IFIT2: variants seen among roughly 807,000 people sequenced by gnomAD.
IFIT2 encodes the protein interferon-induced protein with tetratricopeptide repeats 2.
In IFIT2, 3 loss-of-function variants were observed where a neutral mutation model predicts 2.5. The observed-to-expected ratio is 1.21, with a 90% CI of 0.55 to 3.14. The LOEUF is 3.14. Among genes scored for constraint, IFIT2 ranks in the 30% most tolerant of loss-of-function variants. IFIT2 has a pLI of 0.03. For synonymous variants in IFIT2, 212 were observed against 200.7 expected, an observed-to-expected ratio of 1.06 and a Z score of -0.48; for missense variants, 493 against 558.9, an observed-to-expected ratio of 0.88 and a Z score of 1.19.
At position 89,306,801 on chromosome 10, in the gene IFIT2, A is replaced by G. The variant is rs1843483469; in HGVS notation, c.845A>G (p.Tyr282Cys). The G allele has an allele frequency of 1.9e-6, 3 of 1,613,878 alleles. No individual in the cohort carries two copies. The highest frequency in any genetic ancestry group is 2.5e-6 in the Non-Finnish European group (3 of 1,179,842). Residue 282 changes from tyrosine to cysteine, a missense_variant, in exon 2 of 2, where the codon TAC (tyrosine) becomes TGC (cysteine). Physicochemically the swap from Tyr to Cys is radical, Grantham distance 194 (BLOSUM62 -2). Transcript: ENST00000371826. ...KALEYIPNNA[Y>C]LHCQIGCCYR... ...TTAGAATACATACCAAACAATGCCT[A>G]CCTGCATTGCCAAATTGGGTGCTGC...
At position 89,307,131 on chromosome 10, in the gene IFIT2, T is replaced by A. The variant is rs1157948651; in HGVS notation, c.1175T>A (p.Ile392Asn). ...LYQMKCEDKA[I>N]HHFIEGVKIN... is the part of the protein sequence containing the mutation. The stretch of plus-strand genomic sequence containing the variant: ...CAAATGAAGTGTGAAGACAAGGCCA[T>A]CCACCACTTTATAGAGGGTGTAAAA... The change falls in exon 2 of 2, where the codon ATC (isoleucine) becomes AAC (asparagine). Residue 392 changes from isoleucine to asparagine, a missense_variant. Ile to Asn is a moderately radical substitution (Grantham distance 149, BLOSUM62 -3). Transcript: ENST00000371826. 1 of 1,614,016 alleles carries A rather than the reference T, an allele frequency of 6.2e-7. No homozygotes were observed. The highest frequency in any genetic ancestry group is 8.5e-7 in the Non-Finnish European group (1 of 1,179,930).
At chr10:89,303,375 C>G (rs1019519638) in intron 1 of IFIT2, among the ~76,000 whole-genome samples, 1 of 152,292 alleles carries the variant, frequency 6.6e-6, no homozygotes, top group Admixed American at 6.5e-5. Flanking sequence ...TCTGAGACTG[C>G]GGTGGTAGCA....
At chr10:89,305,132 A>T (rs1843470427) in intron 1 of IFIT2, among the ~76,000 whole-genome samples, 1 of 152,208 alleles carries the variant, frequency 6.6e-6, no homozygotes, top group African/African-American at 2.4e-5. Context: ...TTTATTCCAA[A>T]ATAAATGTTT....
rs750351586 is a variant in IFIT2, at chr10:89,306,966, G to T, written c.1010G>T (p.Cys337Phe). Residue 337 changes from cysteine (C) to phenylalanine (F), a missense_variant, in exon 2 of 2, where the codon TGT (cysteine) becomes TTT (phenylalanine). Coordinates refer to ENST00000371826, the MANE Select transcript of IFIT2 (RefSeq NM_001547.5). ...GCCAATGATAATCTCTTCCGTGTCT[G>T]TTCCATTCTTGCCAGCCTCCATGCT... ...DEANDNLFRV[C>F]SILASLHALA... The T allele has an allele frequency of 6.2e-7, 1 of 1,614,034 alleles. No individual in the cohort carries two copies. Among genetic ancestry groups the T allele is most frequent in the African/African-American group, 1.3e-5 (1 of 75,026 alleles).
Position 89,306,530 on chromosome 10 carries a change from C to A in IFIT2, c.574C>A (p.Gln192Lys). Residue 192 changes from glutamine (Q) to lysine (K), a missense_variant, in exon 2 of 2, where the codon CAG becomes AAG. By Grantham distance (53) the Gln-to-Lys change is moderately conservative. Transcript: ENST00000371826. ...CCGTCTGGACAACTGGCCACCATCT[C>A]AGAACGCCATTGACCCTCTGAGGCA... ...SYRLDNWPPS[Q>K]NAIDPLRQAI... 1 of 1,614,104 alleles carries A rather than the reference C, an allele frequency of 6.2e-7. No homozygotes were observed. The highest frequency in any genetic ancestry group is 1.1e-5 in the South Asian group (1 of 91,080).
rs529683772 is a variant in IFIT2, at chr10:89,305,549, T to A, written c.6-413T>A. On this transcript the variant is annotated intron_variant, in intron 1 of 1. Transcript: ENST00000371826. ...AGAATAAAAAATTATAAAGCTGAAA[T>A]TTTCAAAGTACAAAAGTAAAGCTAG... Among the ~76,000 whole-genome samples, 22 of 152,090 alleles carry A rather than the reference T, an allele frequency of 1.4e-4. 2 individuals are homozygous for A. In the South Asian group the frequency reaches 4.4e-3, roughly 30 times the overall value.
At position 89,306,460 on chromosome 10, in the gene IFIT2, G is replaced by A. The variant is rs752883805; in HGVS notation, c.504G>A (p.Lys168=). ...KVCFEKALEK[K]PKNPEFTSGL... ...GCTTTGAGAAGGCTCTGGAAAAGAA[G>A]CCAAAGAACCCAGAATTCACCTCTG... The change falls in exon 2 of 2, where the codon AAG becomes AAA. Residue 168 remains lysine, a synonymous_variant. Coordinates refer to ENST00000371826, the MANE Select transcript of IFIT2 (RefSeq NM_001547.5). 6.2e-7 allele frequency: 1 copy of A among 1,614,126 alleles called. No homozygotes were observed. The highest frequency in any genetic ancestry group is 8.5e-7 in the Non-Finnish European group (1 of 1,179,994).
chr10:89,302,685 C>T (rs1175375763), intron 1 of IFIT2, among the ~76,000 whole-genome samples: 1 of 152,040 alleles, frequency 6.6e-6, no homozygotes, highest in Non-Finnish European at 1.5e-5. Flanking sequence ...CCCAAAATGC[C>T]TCCTGAGTAT....
At position 89,306,656 on chromosome 10, in the gene IFIT2, A is replaced by C; in HGVS notation, c.700A>C (p.Lys234Gln). The C allele has an allele frequency of 6.2e-7, 1 of 1,614,086 alleles. No individual in the cohort carries two copies. Among genetic ancestry groups the C allele is most frequent in the Non-Finnish European group, 8.5e-7 (1 of 1,179,968 alleles). The change falls in exon 2 of 2, where the codon AAG becomes CAG. Residue 234 changes from lysine (K) to glutamine (Q), a missense_variant. Transcript: ENST00000371826. Reference sequence around the variant, plus strand: ...AGGTGAAGAGGAAGGTGAAGGAGAGAAGTTAGTTGAAGAAGCCTTGGAGAA... The same window carrying C: ...AGGTGAAGAGGAAGGTGAAGGAGAGCAGTTAGTTGAAGAAGCCTTGGAGAA... ...EEGEEEGEGE[K>Q]LVEEALEKAP... is the part of the protein sequence containing the mutation.
chr10:89,307,907 G>C lies in IFIT2; in HGVS notation c.*532G>C, dbSNP rs1589596575. 1 of 155,498 alleles carries C rather than the reference G, an allele frequency of 6.4e-6. No individual in the cohort carries two copies. 9.6% of individuals were successfully genotyped at this position (155,498 alleles called of 1,614,324 possible). On this transcript the variant is annotated 3_prime_UTR_variant, in exon 2 of 2. Transcript: ENST00000371826. ...TCTGCCTCCTTCCTCCTCCTTCCCA[G>C]TCTATCATCAACCTTGAGTATTCTA...
Position 89,307,286 on chromosome 10 carries a change from G to GA in IFIT2, c.1336dup (p.Met446AsnfsTer6), listed in dbSNP as rs779399456. The GA allele has an allele frequency of 6.8e-6, 11 of 1,613,846 alleles. No homozygotes were observed. Among genetic ancestry groups the GA allele is most frequent in the African/African-American group, 1.3e-5 (1 of 74,888 alleles). ...CTTGGCATTCCTTCAGGAGCTGAAT[G>GA]AAAAAATGCAACAAGCAGATGAAGA... On this transcript the variant is annotated frameshift_variant, in exon 2 of 2. Coordinates refer to ENST00000371826, the MANE Select transcript of IFIT2 (RefSeq NM_001547.5). LOFTEE classifies it low-confidence loss of function (END_TRUNC).
At position 89,308,383 on chromosome 10, in the gene IFIT2, C is replaced by T. The variant is rs773378834; in HGVS notation, c.*1008C>T. On this transcript the variant is annotated 3_prime_UTR_variant, in exon 2 of 2. Transcript: ENST00000371826. ...ATGCTTTCATGAACCTGGTTTGAGA[C>T]GGTAGGAAAGCAACAAAACGTGGGA... 5 of 151,546 alleles carry T rather than the reference C, an allele frequency of 3.3e-5. No homozygotes were observed. The highest frequency in any genetic ancestry group is 2.1e-4 in the South Asian group (1 of 4,792). The allele number at this position is 151,546 out of a possible 1,614,324, so 9.4% of individuals were successfully genotyped here.
At chr10:89,302,805 T>C (rs1843453693) in intron 1 of IFIT2, among the ~76,000 whole-genome samples, 1 of 152,076 alleles carries the variant, frequency 6.6e-6, no homozygotes, top group African/African-American at 2.4e-5. Context: ...GCTCATTGAA[T>C]AGGAAGGGAA....
In IFIT2 at chr10:89,307,644, CT is replaced by C. The variant is rs1349439669; in HGVS notation, c.*270del. On this transcript the variant is annotated 3_prime_UTR_variant, in exon 2 of 2. Coordinates refer to ENST00000371826, the MANE Select transcript of IFIT2 (RefSeq NM_001547.5). ...ATTGACTTCTTGAGTGCAATTTGAACTGTAACATTTGCTTAGTCACCTTTAG... is the reference window on the plus strand; with the variant it reads ...ATTGACTTCTTGAGTGCAATTTGAACGTAACATTTGCTTAGTCACCTTTAG... 3.0e-6 allele frequency: 1 copy of C among 337,240 alleles called. No homozygotes were observed. Among genetic ancestry groups the C allele is most frequent in the African/African-American group, 2.0e-5 (1 of 48,928 alleles). 20.9% of individuals were successfully genotyped at this position (337,240 alleles called of 1,614,324 possible).
rs747572156 is a variant in IFIT2 at position 89,306,072 on chromosome 10, T to A, written c.116T>A (p.Phe39Tyr). 1 of 1,614,144 alleles carries A rather than the reference T, an allele frequency of 6.2e-7. No homozygotes were observed. The highest frequency in any genetic ancestry group is 8.5e-7 in the Non-Finnish European group (1 of 1,179,998). The change falls in exon 2 of 2, where the codon TTT becomes TAT. Residue 39 changes from phenylalanine (F) to tyrosine (Y), a missense_variant. By Grantham distance (22) the Phe-to-Tyr change is conservative. Transcript: ENST00000371826. ...TTGGATGATTTTGAAGACAAAGTAT[T>A]TTACCGGACTGAGTTTCAGAATCGT... ...NSLDDFEDKVFYRTEFQNREF... is the reference protein window; with the variant it reads ...NSLDDFEDKVYYRTEFQNREF...
intron 1 of IFIT2, among the ~76,000 whole-genome samples, chr10:89,305,738 C>A (rs906471343): frequency 6.6e-6 from 1 of 152,154 alleles, no homozygotes; most frequent in Non-Finnish European, 1.5e-5. Flanking sequence ...GAGAACAACC[C>A]ACTGCCCTCG....
rs376108562 is a variant in IFIT2, at chr10:89,306,078, G to A, written c.122G>A (p.Arg41Gln). ...GATTTTGAAGACAAAGTATTTTACCGGACTGAGTTTCAGAATCGTGAATTC... is the reference window on the plus strand; with the variant it reads ...GATTTTGAAGACAAAGTATTTTACCAGACTGAGTTTCAGAATCGTGAATTC... ...LDDFEDKVFY[R>Q]TEFQNREFKA... Residue 41 changes from arginine (R) to glutamine (Q), a missense_variant, in exon 2 of 2, where the codon CGG (arginine) becomes CAG (glutamine). Arg to Gln is a conservative substitution (Grantham distance 43, BLOSUM62 1). Coordinates refer to ENST00000371826, the MANE Select transcript of IFIT2 (RefSeq NM_001547.5). 3.7e-5 allele frequency: 59 copies of A among 1,613,968 alleles called. No homozygotes were observed. The highest frequency in any genetic ancestry group is 1.3e-4 in the South Asian group (12 of 91,090).
chr10:89,302,156 G>A (rs756195377), intron 1 of IFIT2, 28 bp downstream of exon 1: 33 of 1,612,780 alleles, frequency 2.0e-5, no homozygotes, highest in Non-Finnish European at 2.5e-5. Context: ...GTATTCGGTA[G>A]TGCTGTTGAG....
In IFIT2 at chr10:89,305,965, G is replaced by T; in HGVS notation, c.9G>T (p.Glu3Asp). Residue 3 changes from glutamate (E) to aspartate (D), a missense_variant, in exon 2 of 2, where the codon GAG (glutamate) becomes GAT (aspartate). By Grantham distance (45) the Glu-to-Asp change is conservative. Transcript: ENST00000371826. MS[E>D]NNKNSLESSL... ...ATCTTTGTGTTTTTCCCTACAGTGA[G>T]AACAATAAGAATTCCTTGGAGAGCA... 6.2e-7 allele frequency: 1 copy of T among 1,607,676 alleles called. No individual in the cohort carries two copies. The highest frequency in any genetic ancestry group is 1.1e-5 in the South Asian group (1 of 90,764).
Sources: gnomAD v4.1 joint callset for allele counts (sites outside exome capture counted in the v4.1 genomes callset) on GRCh38, gnomAD v4.1.1 for gene constraint, MANE v1.5 for transcripts, NCBI Gene and HGNC (gene_info 2026-07-23, HGNC 2026-07-21) for gene names.